Variants in BACH2 observed in about 807,000 individuals in gnomAD.
BACH2 encodes the protein BACH transcriptional regulator 2, also known as transcription regulator protein BACH2.
Under a neutral mutation model 61.8 loss-of-function variants are expected in BACH2, and 5 were observed. The ratio of observed to expected loss-of-function variants is 0.08; its 90% CI spans 0.04 to 0.17. The LOEUF is 0.17. BACH2 is among the 10% of genes least tolerant of loss of function. The pLI, the probability that BACH2 is intolerant of heterozygous loss-of-function variation, is 1.00. For synonymous variants in BACH2, 446 were observed against 440.1 expected, an observed-to-expected ratio of 1.01 and a Z score of -0.17; for missense variants, 824 against 1,091.1, an observed-to-expected ratio of 0.76 and a Z score of 3.45.
intron 4 of BACH2, among the ~76,000 whole-genome samples, chr6:90,185,124 A>G (rs1355529216): frequency 6.6e-6 from 1 of 152,208 alleles, no homozygotes; most frequent in Non-Finnish European, 1.5e-5. Context: ...GTATGCATAG[A>G]GCCTGATAAG....
intron 5 of BACH2, among the ~76,000 whole-genome samples, chr6:90,011,068 AG>A (rs1777677601): frequency 6.6e-6 from 1 of 152,226 alleles, no homozygotes; most frequent in South Asian, 2.1e-4. Context: ...TTCAAGGAAC[AG>A]AAAGTCTTTA....
chr6:90,132,984 G>A (rs187092248), intron 4 of BACH2, among the ~76,000 whole-genome samples: 2 of 152,256 alleles, frequency 1.3e-5, no homozygotes, highest in Non-Finnish European at 1.5e-5. Flanking sequence ...TCCTGAGAAC[G>A]TGCAGCCCAG....
At position 89,929,009 on chromosome 6, in the gene BACH2, T is replaced by C. The variant is rs1435089948; in HGVS notation, c.*3399A>G. On this transcript the variant is annotated 3_prime_UTR_variant, in exon 9 of 9. Transcript: ENST00000257749. ...CTCACCTGTCCAAAGCCTGACCAAC[T>C]TGAAAAGAGGTTGCCTGGATACACA... 6.6e-6 allele frequency: 1 copy of C among 152,304 alleles called. No individual in the cohort carries two copies. The highest frequency in any genetic ancestry group is 2.4e-5 in the African/African-American group (1 of 41,246). The allele number at this position is 152,304 out of a possible 1,614,324, so 9.4% of individuals were successfully genotyped here.
intron 4 of BACH2, among the ~76,000 whole-genome samples, chr6:90,146,731 A>G (rs545169323): frequency 2.0e-4 from 31 of 152,214 alleles, no homozygotes; most frequent in Non-Finnish European, 3.2e-4. Context: ...GTTGTTTCTT[A>G]AGCACTCAGA....
At chr6:90,185,073 G>A (rs546989059) in intron 4 of BACH2, among the ~76,000 whole-genome samples, 114 of 152,310 alleles carry the variant, frequency 7.5e-4, no homozygotes, top group African/African-American at 2.5e-3. Context: ...AAACCCATGC[G>A]TGGCTGCGTA....
intron 4 of BACH2, among the ~76,000 whole-genome samples, chr6:90,173,401 A>G (rs1180776691): frequency 6.6e-6 from 1 of 152,176 alleles, no homozygotes; most frequent in African/African-American, 2.4e-5. Flanking sequence ...ACTGGAAATG[A>G]CCCAAATATC....
intron 4 of BACH2, among the ~76,000 whole-genome samples, chr6:90,100,708 C>CACAG (rs879484053): frequency 7.0e-6 from 1 of 143,218 alleles, no homozygotes; most frequent in Non-Finnish European, 1.5e-5. Context: ...CACAGACACA[C>CACAG]ACACACACAC....
At chr6:90,049,656 T>C (rs575339076) in intron 5 of BACH2, among the ~76,000 whole-genome samples, 2 of 152,200 alleles carry the variant, frequency 1.3e-5, no homozygotes, top group Non-Finnish European at 2.9e-5. Flanking sequence ...TATCAGTTCT[T>C]CACTACCATA....
intron 5 of BACH2, among the ~76,000 whole-genome samples, chr6:90,063,855 T>G (rs1298491892): frequency 6.6e-6 from 1 of 152,194 alleles, no homozygotes; most frequent in African/African-American, 2.4e-5. Flanking sequence ...AGTCTGTACA[T>G]TTTTTCATCT....
intron 7 of BACH2, among the ~76,000 whole-genome samples, chr6:89,946,076 A>C (rs1290623169): frequency 6.6e-6 from 1 of 152,214 alleles, no homozygotes; most frequent in Non-Finnish European, 1.5e-5. Flanking sequence ...ATAAATAAAG[A>C]AGCAGACTAA....
intron 5 of BACH2, among the ~76,000 whole-genome samples, chr6:90,076,433 T>A (rs901452854): frequency 1.3e-5 from 2 of 152,216 alleles, no homozygotes; most frequent in African/African-American, 4.8e-5. Flanking sequence ...TGGTAACCCA[T>A]ACTCCAAGCA....
intron 4 of BACH2, among the ~76,000 whole-genome samples, chr6:90,194,903 C>A (rs1182903161): frequency 6.6e-6 from 1 of 152,132 alleles, no homozygotes; most frequent in Non-Finnish European, 1.5e-5. Context: ...TTTAACTTTG[C>A]TTTGTTTCGA....
At chr6:89,956,217 C>G (rs1393831402) in intron 6 of BACH2, among the ~76,000 whole-genome samples, 1 of 152,154 alleles carries the variant, frequency 6.6e-6, no homozygotes, top group Non-Finnish European at 1.5e-5. Context: ...ACTACCTGGT[C>G]TCATACTGTG....
chr6:89,953,449 G>C (rs139155682), intron 6 of BACH2, among the ~76,000 whole-genome samples: 136 of 152,236 alleles, frequency 8.9e-4, no homozygotes, highest in African/African-American at 3.1e-3. Context: ...TCTGTCAGAT[G>C]ATGAGTCCAG....
At chr6:90,042,890 G>A (rs765671484) in intron 5 of BACH2, among the ~76,000 whole-genome samples, 5 of 152,194 alleles carry the variant, frequency 3.3e-5, no homozygotes, top group African/African-American at 2.4e-5. Context: ...GGTAGCTCTT[G>A]TAACAGTCTA....
chr6:89,947,315 C>G (rs1773785272), intron 7 of BACH2, among the ~76,000 whole-genome samples: 1 of 152,150 alleles, frequency 6.6e-6, no homozygotes, highest in South Asian at 2.1e-4. Context: ...CAACCAGGGT[C>G]AAAGTAACTC....
chr6:90,244,070 T>C (rs1035688054), intron 3 of BACH2, among the ~76,000 whole-genome samples: 3 of 152,058 alleles, frequency 2.0e-5, no homozygotes, highest in African/African-American at 7.2e-5. Context: ...AACAGGCATG[T>C]GCCACCACAC....
At chr6:90,285,319 G>A (rs1248588465) in intron 1 of BACH2, among the ~76,000 whole-genome samples, 1 of 152,128 alleles carries the variant, frequency 6.6e-6, no homozygotes, top group East Asian at 1.9e-4. Flanking sequence ...ACAATGTCAG[G>A]CTAGTCACTT....
intron 5 of BACH2, among the ~76,000 whole-genome samples, chr6:90,032,930 C>CA (rs1779074198): frequency 6.6e-6 from 1 of 152,088 alleles, no homozygotes; most frequent in African/African-American, 2.4e-5. Context: ...GGGCACTATT[C>CA]ACAATAGCAA....
Sources: allele counts gnomAD v4.1 joint callset (sites outside exome capture counted in the v4.1 genomes callset), GRCh38; gene constraint gnomAD v4.1.1; transcripts MANE v1.5; gene names NCBI Gene and HGNC (gene_info 2026-07-23, HGNC 2026-07-21).